PIK3AP1: variants seen among roughly 807,000 people sequenced by gnomAD.
The protein encoded by PIK3AP1 is phosphoinositide-3-kinase adaptor protein 1.
A neutral mutation model predicts 88.1 loss-of-function variants in PIK3AP1; 21 were observed. That is an observed-to-expected ratio of 0.24 (90% CI 0.17 to 0.34). PIK3AP1 has a LOEUF of 0.34. Among genes scored for constraint, PIK3AP1 ranks in the 10% least tolerant of loss-of-function variants. The pLI, the probability that PIK3AP1 is intolerant of heterozygous loss-of-function variation, is 1.00. For missense variants in PIK3AP1, 828 were observed against 1,035.7 expected (o/e 0.80, Z 2.75); for synonymous variants, 398 against 400.0 (o/e 1.00, Z 0.06).
chr10:96,635,879 T>C (rs1004496816), intron 8 of PIK3AP1, among the ~76,000 whole-genome samples: 1 of 151,788 alleles, frequency 6.6e-6, no homozygotes, highest in African/African-American at 2.4e-5. Flanking sequence ...CACTCCAGCC[T>C]GGGCAACAGA....
intron 8 of PIK3AP1, among the ~76,000 whole-genome samples, chr10:96,637,519 A>T (rs1018150261): frequency 1.3e-5 from 2 of 151,820 alleles, no homozygotes; most frequent in African/African-American, 4.8e-5. Context: ...TGGCTAATTT[A>T]AAAAAAATTT....
At chr10:96,673,172 C>T (rs1843870290) in intron 2 of PIK3AP1, among the ~76,000 whole-genome samples, 1 of 152,222 alleles carries the variant, frequency 6.6e-6, no homozygotes, top group Non-Finnish European at 1.5e-5. Context: ...GACATTCCCT[C>T]AACCAGTCTC....
At position 96,669,320 on chromosome 10, in the gene PIK3AP1, T is replaced by C. The variant is rs56704972; in HGVS notation, c.431-12386A>G. On this transcript the variant is annotated intron_variant, in intron 2 of 16. Transcript: ENST00000339364. The stretch of plus-strand genomic sequence containing the variant: ...CTATTTTTCAAAGCCCCGAATAAAA[T>C]GTTCCAAAACCTGAGCTTACTACGA... 4.6e-5 allele frequency among the ~76,000 whole-genome samples: 7 copies of C among 152,258 alleles called. No homozygotes were observed. The East Asian group carries it at 1.2e-3, about 25-fold the overall frequency.
At chr10:96,646,957 A>G (rs879476415) in intron 7 of PIK3AP1, among the ~76,000 whole-genome samples, 4 of 152,204 alleles carry the variant, frequency 2.6e-5, no homozygotes, top group Non-Finnish European at 4.4e-5. Context: ...ACACTTCGTT[A>G]GTTTCCTCAC....
At chr10:96,672,310 G>T (rs1328664135) in intron 2 of PIK3AP1, among the ~76,000 whole-genome samples, 16 of 152,198 alleles carry the variant, frequency 1.1e-4, no homozygotes, top group Non-Finnish European at 2.1e-4. Context: ...GCGCTGGGTG[G>T]AGGGTTCTGG....
At position 96,623,357 on chromosome 10, in the gene PIK3AP1, C is replaced by T. The variant is rs1014229929; in HGVS notation, c.1735+115G>A. 8 of 1,041,054 alleles carry T rather than the reference C, an allele frequency of 7.7e-6. No homozygotes were observed. In the African/African-American group the frequency reaches 1.3e-4, roughly 17 times the overall value. The allele number at this position is 1,041,054 out of a possible 1,614,324, so 64.5% of individuals were successfully genotyped here. A position where few individuals can be genotyped will look rare whatever the true frequency, so the allele number is the denominator to read the frequency against. ...GGACTACAGGCGTGAGCCATGATGC[C>T]TGGCCTAGATCCCTCTATTTTTCAA... On this transcript the variant is annotated intron_variant, in intron 11 of 16. Coordinates refer to ENST00000339364, the MANE Select transcript of PIK3AP1 (RefSeq NM_152309.3).
At chr10:96,635,427 T>C in intron 8 of PIK3AP1, among the ~76,000 whole-genome samples, 1 of 152,360 alleles carries the variant, frequency 6.6e-6, no homozygotes, top group Non-Finnish European at 1.5e-5. Flanking sequence ...ATTTATATTA[T>C]AAAGAAAATG....
At chr10:96,718,176 T>A (rs61457813) in intron 1 of PIK3AP1, among the ~76,000 whole-genome samples, 2,930 of 152,290 alleles carry the variant, frequency 0.019, 80 homozygotes, top group African/African-American at 0.066. Flanking sequence ...ACCTAAAGCA[T>A]ACAAGGTTTC....
At chr10:96,691,887 C>T (rs1043992395) in intron 2 of PIK3AP1, among the ~76,000 whole-genome samples, 5 of 152,146 alleles carry the variant, frequency 3.3e-5, no homozygotes, top group African/African-American at 1.2e-4. Context: ...TCAGTCCCTA[C>T]TTAAACATCT....
intron 2 of PIK3AP1, among the ~76,000 whole-genome samples, chr10:96,683,445 A>G (rs1158077804): frequency 1.3e-5 from 2 of 152,234 alleles, no homozygotes; most frequent in Non-Finnish European, 2.9e-5. Flanking sequence ...AGAAAAAGGT[A>G]AGAAAAGACA....
In PIK3AP1 at chr10:96,626,380, T is replaced by C. The variant is rs113267278; in HGVS notation, c.1669+328A>G. On this transcript the variant is annotated intron_variant, in intron 10 of 16. Transcript: ENST00000339364. ...ATGGCGTGTTCCAGATAGAGCATTC[T>C]TGATAGATTTCAATAAATGTTAGCA... 1.3e-3 allele frequency among the ~76,000 whole-genome samples: 195 copies of C among 152,356 alleles called. 1 individual carries two copies. The highest frequency in any genetic ancestry group is 4.4e-3 in the African/African-American group (181 of 41,590).
intron 2 of PIK3AP1, among the ~76,000 whole-genome samples, chr10:96,683,364 T>C (rs1027385577): frequency 1.3e-5 from 2 of 152,228 alleles, no homozygotes; most frequent in African/African-American, 4.8e-5. Flanking sequence ...TAAATGTTTC[T>C]CACTCTATGA....
rs1589484787 is a variant in PIK3AP1, at chr10:96,609,812, C to G, written c.2070G>C (p.Glu690Asp). The G allele has an allele frequency of 6.2e-7, 1 of 1,614,166 alleles. No homozygotes were observed. The highest frequency in any genetic ancestry group is 8.5e-7 in the Non-Finnish European group (1 of 1,179,990). Reference protein sequence around the residue: ...RHSQHLPAKVEFGVYESGPRK... With the variant: ...RHSQHLPAKVDFGVYESGPRK... ...TGGGGCCACTCTCATAGACTCCAAACTCCACTTTTGCAGGCAGGTGCTGTG... is the reference window on the plus strand; with the variant it reads ...TGGGGCCACTCTCATAGACTCCAAAGTCCACTTTTGCAGGCAGGTGCTGTG... The change falls in exon 14 of 17, where the codon GAG becomes GAC. Residue 690 changes from glutamate to aspartate, a missense_variant. This residue lies in a region of PIK3AP1 where 191 missense variants were observed against 208.6 expected (regional missense o/e 0.92). Coordinates refer to ENST00000339364, the MANE Select transcript of PIK3AP1 (RefSeq NM_152309.3).
At chr10:96,597,122 GA>G (rs561363360) in intron 16 of PIK3AP1, among the ~76,000 whole-genome samples, 9 of 147,664 alleles carry the variant, frequency 6.1e-5, no homozygotes, top group East Asian at 2.0e-4. Flanking sequence ...TTTATACCAT[GA>G]AAAAAAAAAG....
At chr10:96,630,769 A>G (rs999782032) in intron 8 of PIK3AP1, among the ~76,000 whole-genome samples, 1 of 152,028 alleles carries the variant, frequency 6.6e-6, no homozygotes, top group Non-Finnish European at 1.5e-5. Flanking sequence ...CTTGAGCCCA[A>G]GAGATCTGGC....
At chr10:96,601,929 G>A (rs978426337) in intron 16 of PIK3AP1, among the ~76,000 whole-genome samples, 3 of 152,124 alleles carry the variant, frequency 2.0e-5, no homozygotes, top group Admixed American at 6.5e-5. Flanking sequence ...TGTCACCCAG[G>A]CTAGAGTGCA....
intron 14 of PIK3AP1, 25 bp from the exon 15 acceptor site, chr10:96,604,074 C>T (rs573632885): frequency 9.2e-6 from 14 of 1,518,588 alleles, no homozygotes; most frequent in South Asian, 3.6e-5. Flanking sequence ...GAAAATCAGC[C>T]GGATTGAGGA....
intron 2 of PIK3AP1, among the ~76,000 whole-genome samples, chr10:96,659,636 G>A (rs1379578876): frequency 1.3e-5 from 2 of 151,132 alleles, no homozygotes; most frequent in Non-Finnish European, 2.9e-5. Flanking sequence ...GCTGAGGTGG[G>A]AGGATCACTT....
At chr10:96,603,247 G>C (rs1262117877) in intron 15 of PIK3AP1, among the ~76,000 whole-genome samples, 1 of 152,204 alleles carries the variant, frequency 6.6e-6, no homozygotes, top group Admixed American at 6.5e-5. Context: ...ATGTTGTGCA[G>C]CCTCTATCTA....
Sources: gnomAD v4.1 joint callset for allele counts (sites outside exome capture counted in the v4.1 genomes callset) on GRCh38, gnomAD v4.1.1 for gene constraint, gnomAD v4.1.1 regional missense constraint, MANE v1.5 for transcripts, NCBI Gene and HGNC (gene_info 2026-07-23, HGNC 2026-07-21) for gene names.